Variants in NUP205 observed in about 807,000 individuals in gnomAD.
NUP205 encodes nucleoporin 205, also known as nuclear pore complex protein Nup205.
NUP205 carries 76 observed loss-of-function variants against 253.8 expected under a neutral mutation model. That is an observed-to-expected ratio of 0.30 (90% CI 0.25 to 0.36). NUP205 has a LOEUF of 0.36. Among genes scored for constraint, NUP205 ranks in the 10% least tolerant of loss-of-function variants. The pLI, the probability that NUP205 is intolerant of heterozygous loss-of-function variation, is 1.00. For missense variants in NUP205, 2,162 were observed against 2,425.5 expected, an observed-to-expected ratio of 0.89 and a Z score of 2.28; for synonymous variants, 832 against 850.1, an observed-to-expected ratio of 0.98 and a Z score of 0.37.
Position 135,645,520 on chromosome 7 carries a change from G to T in NUP205, c.5736G>T (p.Leu1912Phe). The change falls in exon 41 of 43, where the codon TTG becomes TTT. Residue 1912 changes from leucine to phenylalanine, a missense_variant. Physicochemically the swap from Leu to Phe is conservative, Grantham distance 22. This residue lies in a region of NUP205 where 1,144 missense variants were observed against 1,280.9 expected (regional missense o/e 0.89). Transcript: ENST00000285968. ...TTTGGCGCCATCTGGAGTACTACTT[G>T]TTACATTGCATGCCCACGGATTCTC... is the stretch of plus-strand genomic sequence containing the variant. ...FILWRHLEYY[L>F]LHCMPTDSQD... is the part of the protein sequence containing the mutation. 1 of 1,614,060 alleles carries T rather than the reference G, an allele frequency of 6.2e-7. No homozygotes were observed. Among genetic ancestry groups the T allele is most frequent in the Non-Finnish European group, 8.5e-7 (1 of 1,179,912 alleles).
chr7:135,576,453 ATTAC>A (rs776720074), intron 4 of NUP205, 39 bp downstream of exon 4: 1 of 1,577,266 alleles, frequency 6.3e-7, no homozygotes, highest in South Asian at 1.1e-5. Context: ...TTAATTTGAA[ATTAC>A]TTGAAGTATG....
At chr7:135,629,147 A>T (rs1456047933) in intron 34 of NUP205, among the ~76,000 whole-genome samples, 4 of 152,198 alleles carry the variant, frequency 2.6e-5, no homozygotes, top group Non-Finnish European at 1.5e-5. Flanking sequence ...AAAAAACAAA[A>T]ATGATCACAA....
At chr7:135,560,090 C>T (rs900704358) in intron 1 of NUP205, among the ~76,000 whole-genome samples, 2 of 152,040 alleles carry the variant, frequency 1.3e-5, no homozygotes, top group African/African-American at 4.8e-5. Flanking sequence ...GAGCTCCTGA[C>T]CCCGTGATTC....
At chr7:135,604,484 TA>T in intron 19 of NUP205, 24 bp downstream of exon 19, 1 of 1,592,576 alleles carries the variant, frequency 6.3e-7, no homozygotes, top group East Asian at 2.2e-5. Flanking sequence ...TTGCTCTTGT[TA>T]TTTTTTGGTG....
intron 23 of NUP205, among the ~76,000 whole-genome samples, chr7:135,615,431 G>T (rs1794335202): frequency 6.6e-6 from 1 of 152,040 alleles, no homozygotes; most frequent in Non-Finnish European, 1.5e-5. Context: ...AAAAACTATT[G>T]TATAAGTGAT....
chr7:135,606,978 A>G, intron 21 of NUP205, 63 bp downstream of exon 21: 1 of 1,479,276 alleles, frequency 6.8e-7, no homozygotes, highest in Admixed American at 1.8e-5. Context: ...GGGGTCACTG[A>G]TTGCATTCTG....
At position 135,643,105 on chromosome 7, in the gene NUP205, G is replaced by A. The variant is rs73725437; in HGVS notation, c.5393-87G>A. The A allele has an allele frequency of 0.13, 166,489 of 1,252,262 alleles. 12,158 individuals carry two copies. Among genetic ancestry groups the A allele is most frequent in the East Asian group, 0.21 (8,786 of 42,670 alleles). 77.6% of individuals were successfully genotyped at this position (1,252,262 alleles called of 1,614,324 possible). On this transcript the variant is annotated intron_variant, in intron 38 of 42. Transcript: ENST00000285968. ...CAGGTTACATGTCCTTAAATTCTGGGGCATCCCTTGTTTTAAAACAGGTCA... is the reference window on the plus strand; with the variant it reads ...CAGGTTACATGTCCTTAAATTCTGGAGCATCCCTTGTTTTAAAACAGGTCA...
chr7:135,601,435 C>T lies in NUP205; in HGVS notation c.2440C>T (p.Pro814Ser), dbSNP rs1362377152. 1 of 1,613,692 alleles carries T rather than the reference C, an allele frequency of 6.2e-7. No individual in the cohort carries two copies. Among genetic ancestry groups the T allele is most frequent in the Non-Finnish European group, 8.5e-7 (1 of 1,179,818 alleles). The change falls in exon 17 of 43, where the codon CCA (proline) becomes TCA (serine). Residue 814 changes from proline to serine, a missense_variant. Pro to Ser is a moderately conservative substitution (Grantham distance 74). Transcript: ENST00000285968. ...GATGTATCATCTGCTGAATGAGTCACCAATGTTGGAGCTTGCTCTCAGTTT... is the reference window on the plus strand; with the variant it reads ...GATGTATCATCTGCTGAATGAGTCATCAATGTTGGAGCTTGCTCTCAGTTT... Reference protein sequence around the residue: ...SLMYHLLNESPMLELALSLLE... With the variant: ...SLMYHLLNESSMLELALSLLE...
In NUP205 at chr7:135,576,384, G is replaced by A; in HGVS notation, c.458G>A (p.Arg153Lys). 6.2e-7 allele frequency: 1 copy of A among 1,613,778 alleles called. No individual in the cohort carries two copies. Among genetic ancestry groups the A allele is most frequent in the Middle Eastern group, 1.7e-4 (1 of 6,060 alleles). Residue 153 changes from arginine to lysine, a missense_variant, in exon 4 of 43, where the codon AGA (arginine) becomes AAA (lysine). This residue lies in a region of NUP205 where 892 missense variants were observed against 957.1 expected (regional missense o/e 0.93). Transcript: ENST00000285968. Reference sequence around the variant, plus strand: ...TCCTTGAAAGCCTTGATACAGTCTAGACGGGGAAAGACATGGACCCTAGAA... The same window carrying A: ...TCCTTGAAAGCCTTGATACAGTCTAAACGGGGAAAGACATGGACCCTAGAA... Reference protein sequence around the residue: ...ANSLKALIQSRRGKTWTLELS... With the variant: ...ANSLKALIQSKRGKTWTLELS...
chr7:135,617,652 A>T lies in NUP205; in HGVS notation c.3741A>T (p.Ala1247=), dbSNP rs765738553. ...VAEVNALQGM[A]AIGQRPLLME... is the part of the protein sequence containing the mutation. ...AAGTAAATGCCCTTCAGGGTATGGCAGCCATAGGACAGAGACCTCTACTAA... is the reference window on the plus strand; with the variant it reads ...AAGTAAATGCCCTTCAGGGTATGGCTGCCATAGGACAGAGACCTCTACTAA... The change falls in exon 27 of 43, where the codon GCA becomes GCT. Residue 1247 remains alanine, a synonymous_variant. Coordinates refer to ENST00000285968, the MANE Select transcript of NUP205 (RefSeq NM_015135.3). 10 of 1,612,510 alleles carry T rather than the reference A, an allele frequency of 6.2e-6. No homozygotes were observed. Among genetic ancestry groups the T allele is most frequent in the Non-Finnish European group, 7.6e-6 (9 of 1,178,714 alleles).
At chr7:135,574,512 C>T (rs747787556) in intron 3 of NUP205, among the ~76,000 whole-genome samples, 9 of 151,796 alleles carry the variant, frequency 5.9e-5, no homozygotes, top group South Asian at 2.1e-4. Context: ...AAGGCTTTTC[C>T]GGGGAGAGCA....
chr7:135,619,719 T>G, intron 29 of NUP205, 29 bp downstream of exon 29: 2 of 1,599,084 alleles, frequency 1.3e-6, no homozygotes, highest in Non-Finnish European at 1.7e-6. Context: ...GTCTATAAAT[T>G]CTATCTTTTG....
Position 135,587,982 on chromosome 7 carries a change from C to G in NUP205, c.1463C>G (p.Pro488Arg). Residue 488 changes from proline (P) to arginine (R), a missense_variant, in exon 10 of 43, where the codon CCT becomes CGT. By Grantham distance (103) the Pro-to-Arg change is moderately radical. Coordinates refer to ENST00000285968, the MANE Select transcript of NUP205 (RefSeq NM_015135.3). ...SYLGVAHQRP[P>R]QRQVVLSKFV... ...CTAGGGGTGGCTCATCAGCGGCCCC[C>G]TCAACGCCAGGTGAGTCTTTAGGTT... 6.2e-7 allele frequency: 1 copy of G among 1,612,516 alleles called. No individual in the cohort carries two copies. Among genetic ancestry groups the G allele is most frequent in the Non-Finnish European group, 8.5e-7 (1 of 1,179,588 alleles).
intron 11 of NUP205, among the ~76,000 whole-genome samples, 162 bp downstream of exon 11, chr7:135,591,762 T>C (rs984531707): frequency 4.6e-5 from 7 of 152,218 alleles, no homozygotes; most frequent in African/African-American, 1.7e-4. Flanking sequence ...GCTTTATGCA[T>C]AGTGATGCTG....
Position 135,645,570 on chromosome 7 carries a change from C to T in NUP205, c.5786C>T (p.Thr1929Ile), listed in dbSNP as rs1487819464. ...DSQDSLFASR[T>I]LFKSRRLQDS... ...CAAGATTCCTTATTTGCCTCGAGAA[C>T]CTTGTTTAAAAGCAGAAGACTGCAA... Residue 1929 changes from threonine to isoleucine, a missense_variant, in exon 41 of 43, where the codon ACC becomes ATC. This residue lies in a region of NUP205 where 1,144 missense variants were observed against 1,280.9 expected (regional missense o/e 0.89). Transcript: ENST00000285968. 3.7e-6 allele frequency: 6 copies of T among 1,613,902 alleles called. No individual in the cohort carries two copies. Among genetic ancestry groups the T allele is most frequent in the Admixed American group, 1.7e-5 (1 of 59,966 alleles).
At chr7:135,572,934 C>G (rs1283156982) in intron 2 of NUP205, among the ~76,000 whole-genome samples, 1 of 145,558 alleles carries the variant, frequency 6.9e-6, no homozygotes, top group African/African-American at 2.5e-5. Flanking sequence ...TGGCTTTTTG[C>G]TTTTTAGCTT....
Position 135,598,214 on chromosome 7 carries a change from T to G in NUP205, c.2274+7T>G, listed in dbSNP as rs1284239965. The G allele has an allele frequency of 1.2e-6, 2 of 1,612,150 alleles. No individual in the cohort carries two copies. The highest frequency in any genetic ancestry group is 1.7e-6 in the Non-Finnish European group (2 of 1,179,002). On this transcript the variant is annotated splice_region_variant and intron_variant, in intron 15 of 42. Coordinates refer to ENST00000285968, the MANE Select transcript of NUP205 (RefSeq NM_015135.3). ...CCGGAGAGCAGCTGAAAAGGTTATG[T>G]TCAGAGAAAAGCTTTTTTCTCCTTA...
At chr7:135,595,517 C>A (rs1015643198) in intron 13 of NUP205, among the ~76,000 whole-genome samples, 23 of 152,088 alleles carry the variant, frequency 1.5e-4, no homozygotes, top group Non-Finnish European at 5.9e-5. Context: ...AGCCACCACA[C>A]CCAGCCTGCA....
rs1161344936 is a variant in NUP205, at chr7:135,587,682, A to G, written c.1326A>G (p.Leu442=). Residue 442 remains leucine (L), a synonymous_variant, in exon 9 of 43, where the codon TTA becomes TTG. Transcript: ENST00000285968. The stretch of plus-strand genomic sequence containing the variant: ...CACTTAGAAGGGACCTGGAACACTT[A>G]ATGCTTTTGGTAAGCCATTATATTA... ...PISLRRDLEH[L]MLLIGELYKK... 1 of 1,596,452 alleles carries G rather than the reference A, an allele frequency of 6.3e-7. No individual in the cohort carries two copies. The highest frequency in any genetic ancestry group is 1.3e-5 in the African/African-American group (1 of 74,124).
Sources: gnomAD v4.1 joint callset for allele counts (sites outside exome capture counted in the v4.1 genomes callset) on GRCh38, gnomAD v4.1.1 for gene constraint, gnomAD v4.1.1 regional missense constraint, MANE v1.5 for transcripts, NCBI Gene and HGNC (gene_info 2026-07-23, HGNC 2026-07-21) for gene names.